MREG: variants seen among roughly 807,000 people sequenced by gnomAD.
MREG encodes the protein melanoregulin.
A neutral mutation model predicts 28.5 loss-of-function variants in MREG; 31 were observed. That is an observed-to-expected ratio of 1.09 (90% CI 0.82 to 1.47). The LOEUF is 1.47. Ranked by LOEUF, MREG falls within the 40% of genes most tolerant of loss-of-function variation. MREG has a pLI of 0.00. For missense variants in MREG, 256 were observed against 257.4 expected (o/e 0.99, Z 0.04); for synonymous variants, 106 against 95.2 (o/e 1.11, Z -0.66).
chr2:215,957,003 T>C (rs1369460589), intron 2 of MREG, among the ~76,000 whole-genome samples: 1 of 151,890 alleles, frequency 6.6e-6, no homozygotes, highest in East Asian at 1.9e-4. Context: ...AGCAGGTAAG[T>C]GAAAAGCTGG....
At chr2:215,961,100 T>A (rs1417910533) in intron 2 of MREG, among the ~76,000 whole-genome samples, 1 of 152,236 alleles carries the variant, frequency 6.6e-6, no homozygotes, top group Admixed American at 6.5e-5. Context: ...GGCAAAAGAC[T>A]GGACTAACCT....
chr2:215,992,877 A>G (rs1693754784), intron 2 of MREG, among the ~76,000 whole-genome samples: 1 of 152,212 alleles, frequency 6.6e-6, no homozygotes, highest in Non-Finnish European at 1.5e-5. Flanking sequence ...AGACCTCTTC[A>G]GGGAGAACTA....
chr2:216,008,832 A>T (rs1694226356), intron 1 of MREG, among the ~76,000 whole-genome samples: 1 of 152,202 alleles, frequency 6.6e-6, no homozygotes, highest in South Asian at 2.1e-4. Flanking sequence ...ACAAGCACTA[A>T]GCCCAATCTG....
intron 1 of MREG, among the ~76,000 whole-genome samples, chr2:216,026,791 C>G (rs188348982): frequency 6.6e-6 from 1 of 152,264 alleles, no homozygotes; most frequent in East Asian, 1.9e-4. Flanking sequence ...AAAATTAATG[C>G]TCTACTGTAA....
chr2:215,950,501 G>T (rs532850749), intron 2 of MREG, among the ~76,000 whole-genome samples: 20 of 152,234 alleles, frequency 1.3e-4, no homozygotes, highest in South Asian at 2.1e-4. Flanking sequence ...TGCATCTTTG[G>T]ATCCCACCTT....
chr2:215,963,213 A>G (rs1692839691), intron 2 of MREG, among the ~76,000 whole-genome samples: 1 of 152,158 alleles, frequency 6.6e-6, no homozygotes, highest in Non-Finnish European at 1.5e-5. Flanking sequence ...TAATCCCAGC[A>G]CTGTGGAAGG....
At chr2:215,997,292 G>A (rs541127357) in intron 1 of MREG, among the ~76,000 whole-genome samples, 1 of 152,186 alleles carries the variant, frequency 6.6e-6, no homozygotes, top group Non-Finnish European at 1.5e-5. Context: ...GAGAATTTCA[G>A]TAGTCCCATT....
chr2:215,966,586 T>C (rs944484891), intron 2 of MREG, among the ~76,000 whole-genome samples: 3 of 151,726 alleles, frequency 2.0e-5, no homozygotes, highest in African/African-American at 7.3e-5. Flanking sequence ...GTTCAAGCCT[T>C]GTAAAACATT....
At position 216,007,867 on chromosome 2, in the gene MREG, T is replaced by C. The variant is rs535644773; in HGVS notation, c.95+5366A>G. On this transcript the variant is annotated intron_variant, in intron 1 of 4. Coordinates refer to ENST00000263268, the MANE Select transcript of MREG (RefSeq NM_018000.3). ...TCACTCCAACCTGAGATATAGGGTG[T>C]TGGCCATGAGTTCAATGTTGATAGA... Among the ~76,000 whole-genome samples, 567 of 152,170 alleles carry C rather than the reference T, an allele frequency of 3.7e-3. 3 individuals carry two copies. The highest frequency in any genetic ancestry group is 0.013 in the African/African-American group (543 of 41,522).
intron 2 of MREG, among the ~76,000 whole-genome samples, chr2:215,979,978 CAA>C (rs5838560): frequency 7.0e-6 from 1 of 143,388 alleles, no homozygotes; most frequent in East Asian, 2.0e-4. Context: ...AACAAACAAA[CAA>C]AAAAAAAAAA....
At chr2:215,979,819 G>C (rs1241695158) in intron 2 of MREG, among the ~76,000 whole-genome samples, 1 of 151,998 alleles carries the variant, frequency 6.6e-6, no homozygotes, top group Admixed American at 6.6e-5. Flanking sequence ...TCAATACTGA[G>C]TAGGTCACTG....
In MREG at chr2:215,944,923, C is replaced by G. The variant is rs376760233; in HGVS notation, c.585G>C (p.Gly195=). 324 of 1,608,778 alleles carry G rather than the reference C, an allele frequency of 2.0e-4. 2 individuals are homozygous for G. The South Asian group carries it at 2.8e-3, about 14-fold the overall frequency. ...LARRTYPKKP[G]VPCLADGQKE... is the part of the protein sequence containing the mutation. ...TCTGGCCATCTGCCAGGCATGGAAC[C>G]CCAGGCTTCTTGGGGTAAGTTCGAC... Residue 195 remains glycine (G), a synonymous_variant, in exon 5 of 5, where the codon GGG becomes GGC. Transcript: ENST00000263268.
intron 1 of MREG, among the ~76,000 whole-genome samples, chr2:216,009,296 T>C (rs1318616129): frequency 6.6e-6 from 1 of 151,942 alleles, no homozygotes; most frequent in Non-Finnish European, 1.5e-5. Flanking sequence ...CACTACACTT[T>C]GGGAGATATT....
chr2:216,026,687 A>G (rs536899025), intron 1 of MREG, among the ~76,000 whole-genome samples: 175 of 152,136 alleles, frequency 1.2e-3, no homozygotes, highest in Non-Finnish European at 2.0e-3. Context: ...TATTATGTCA[A>G]TTTCACCTCA....
intron 1 of MREG, among the ~76,000 whole-genome samples, chr2:216,026,609 C>T (rs1420546139): frequency 2.0e-5 from 3 of 152,170 alleles, no homozygotes; most frequent in Non-Finnish European, 4.4e-5. Flanking sequence ...AATCCACCCG[C>T]CTCTGCCTCA....
chr2:215,962,095 C>T (rs1463518459), intron 2 of MREG, among the ~76,000 whole-genome samples: 1 of 152,160 alleles, frequency 6.6e-6, no homozygotes, highest in Non-Finnish European at 1.5e-5. Flanking sequence ...AGGTCAAATG[C>T]GAAGGCTGAG....
intron 1 of MREG, among the ~76,000 whole-genome samples, chr2:216,011,640 T>C (rs17393335): frequency 0.2 from 31,143 of 152,150 alleles, 3,384 homozygotes; most frequent in Non-Finnish European, 0.25. Flanking sequence ...TCCGCTCCAA[T>C]TGACCCTGGG....
chr2:216,011,581 G>A (rs1048141184), intron 1 of MREG, among the ~76,000 whole-genome samples: 1 of 152,190 alleles, frequency 6.6e-6, no homozygotes, highest in African/African-American at 2.4e-5. Context: ...TTACCTAGTT[G>A]GGTGAGCAGA....
chr2:216,022,946 C>T (rs1694547593), intron 1 of MREG, among the ~76,000 whole-genome samples: 1 of 152,200 alleles, frequency 6.6e-6, no homozygotes, highest in African/African-American at 2.4e-5. Flanking sequence ...CTATGAAAGG[C>T]GACCGGAGGC....
Sources: allele counts gnomAD v4.1 joint callset (sites outside exome capture counted in the v4.1 genomes callset), GRCh38; gene constraint gnomAD v4.1.1; transcripts MANE v1.5; gene names NCBI Gene and HGNC (gene_info 2026-07-23, HGNC 2026-07-21).